Variants in EXOSC2 observed in about 807,000 individuals in gnomAD.
EXOSC2 encodes the protein exosome component 2, also known as exosome complex component RRP4.
Under a neutral mutation model 37.6 loss-of-function variants are expected in EXOSC2, and 29 were observed. The observed-to-expected ratio is 0.77, with a 90% CI of 0.57 to 1.05. EXOSC2 has a LOEUF of 1.05. Ranked by LOEUF, EXOSC2 falls within the 50% of genes least tolerant of loss-of-function variation. The pLI, the probability that EXOSC2 is intolerant of heterozygous loss-of-function variation, is 0.00. For synonymous variants in EXOSC2, 119 were observed against 131.1 expected (o/e 0.91, Z 0.63); for missense variants, 346 against 365.6 (o/e 0.95, Z 0.44).
rs2132634183 is a variant in EXOSC2 at position 130,698,914 on chromosome 9, T to C, written c.361-415T>C. Among the ~76,000 whole-genome samples, 1 of 152,316 alleles carries C rather than the reference T, an allele frequency of 6.6e-6. No homozygotes were observed. Among genetic ancestry groups the C allele is most frequent in the Admixed American group, 6.5e-5 (1 of 15,290 alleles). On this transcript the variant is annotated intron_variant, in intron 4 of 8. Coordinates refer to ENST00000372358, the MANE Select transcript of EXOSC2 (RefSeq NM_014285.7). The surrounding 1 kb of genome is among the most constrained non-coding windows in gnomAD (Gnocchi z 4.1). The stretch of plus-strand genomic sequence containing the variant: ...TTGTAGGAAAGACAGGCATTGGAGT[T>C]GATCCTGGAAGGATGGAGAGACTTT...
intron 8 of EXOSC2, 57 bp downstream of exon 8, chr9:130,703,238 G>T: frequency 6.4e-7 from 1 of 1,560,190 alleles, no homozygotes; most frequent in Non-Finnish European, 8.7e-7. Context: ...TCTGTTGTTT[G>T]TTCAGAGACA....
rs995576444 is a variant in EXOSC2 at position 130,695,697 on chromosome 9, C to T, written c.224+104C>T. On this transcript the variant is annotated intron_variant, in intron 2 of 8. Coordinates refer to ENST00000372358, the MANE Select transcript of EXOSC2 (RefSeq NM_014285.7). ...CCCACCCCACCCCTGCCTGCCCTGT[C>T]ATGCTGTAAGTCTGAGGTTTTGACC... 2.0e-5 allele frequency: 19 copies of T among 940,996 alleles called. No homozygotes were observed. The Admixed American group carries it at 2.2e-4, about 11-fold the overall frequency. The allele number at this position is 940,996 out of a possible 1,614,324, so 58.3% of individuals were successfully genotyped here. A position where few individuals can be genotyped will look rare whatever the true frequency, so the allele number is the denominator to read the frequency against.
At chr9:130,699,536 A>G in intron 5 of EXOSC2, 142 bp downstream of exon 5, 2 of 808,334 alleles carry the variant, frequency 2.5e-6, no homozygotes, top group Non-Finnish European at 4.1e-6. Flanking sequence ...GCTCTGCTGC[A>G]TCCTTTCTCA....
At chr9:130,700,454 G>C (rs1260714988) in intron 5 of EXOSC2, among the ~76,000 whole-genome samples, 1 of 151,716 alleles carries the variant, frequency 6.6e-6, no homozygotes, top group Admixed American at 6.6e-5. Flanking sequence ...CTGCCTCCCG[G>C]GTTCAAGCGA....
At chr9:130,701,888 G>A in intron 6 of EXOSC2, 2 of 1,308,248 alleles carry the variant, frequency 1.5e-6, no homozygotes, top group South Asian at 1.9e-5. Context: ...AGAGTGCAAG[G>A]AAGACTGCAA....
chr9:130,696,083 G>A (rs968687405), intron 2 of EXOSC2, among the ~76,000 whole-genome samples: 2 of 151,922 alleles, frequency 1.3e-5, no homozygotes, highest in South Asian at 2.1e-4. Context: ...GGCTGGTCTC[G>A]AACTGCTGAC....
At chr9:130,701,668 C>T (rs1831218005) in intron 6 of EXOSC2, 1 of 952,300 alleles carries the variant, frequency 1.1e-6, no homozygotes, top group East Asian at 1.1e-4. Context: ...CTTGAGCTGT[C>T]CTGCCAGGAC....
At chr9:130,693,944 CAG>C (rs1831036993) in intron 1 of EXOSC2, 31 bp downstream of exon 1, 1 of 1,574,120 alleles carries the variant, frequency 6.4e-7, no homozygotes, top group Non-Finnish European at 8.7e-7. Flanking sequence ...GTCGAGGCTT[CAG>C]AGAGCGGCTT....
chr9:130,703,644 C>A, intron 8 of EXOSC2, 50 bp from the exon 9 acceptor site: 1 of 1,423,840 alleles, frequency 7.0e-7, no homozygotes, highest in Non-Finnish European at 9.7e-7. Flanking sequence ...GCTTGGTGGT[C>A]TGTTTATGGT....
At position 130,694,930 on chromosome 9, in the gene EXOSC2, C is replaced by T. The variant is rs1471313748; in HGVS notation, c.123-562C>T. On this transcript the variant is annotated intron_variant, in intron 1 of 8. Coordinates refer to ENST00000372358, the MANE Select transcript of EXOSC2 (RefSeq NM_014285.7). This position sits in a 1 kb window ranked among gnomAD's most constrained non-coding sequence, Gnocchi z 4.0. ...TTCACTGTGTTGGCCAGGCTGGTCTCGATCCCCTGACCTCAAGTGTGATCT... is the reference window on the plus strand; with the variant it reads ...TTCACTGTGTTGGCCAGGCTGGTCTTGATCCCCTGACCTCAAGTGTGATCT... Among the ~76,000 whole-genome samples, 3 of 151,436 alleles carry T rather than the reference C, an allele frequency of 2.0e-5. No individual in the cohort carries two copies. The highest frequency in any genetic ancestry group is 4.4e-5 in the Non-Finnish European group (3 of 67,886).
chr9:130,697,311 C>T (rs1278562697), intron 2 of EXOSC2, among the ~76,000 whole-genome samples: 1 of 152,232 alleles, frequency 6.6e-6, no homozygotes, highest in African/African-American at 2.4e-5. Context: ...TTTTCATTGT[C>T]GTGTAATCGA....
In EXOSC2 at chr9:130,694,740, C is replaced by T. The variant is rs1831054397; in HGVS notation, c.123-752C>T. ...GGAAATTTTTTTTTCTTTTTTGAGA[C>T]GGAGTCTGTCTTAGATCAGTCGTGC... is the stretch of plus-strand genomic sequence containing the variant. On this transcript the variant is annotated intron_variant, in intron 1 of 8. Transcript: ENST00000372358. The surrounding 1 kb of genome is among the most constrained non-coding windows in gnomAD (Gnocchi z 4.0). 6.6e-6 allele frequency among the ~76,000 whole-genome samples: 1 copy of T among 151,998 alleles called. No homozygotes were observed. The highest frequency in any genetic ancestry group is 2.1e-4 in the South Asian group (1 of 4,826).
intron 6 of EXOSC2, 38 bp from the exon 7 acceptor site, chr9:130,702,096 A>T (rs1244355372): frequency 6.2e-7 from 1 of 1,603,758 alleles, no homozygotes; most frequent in Non-Finnish European, 8.5e-7. Context: ...CATCCCGCCA[A>T]TCTTGCAGTG....
Position 130,693,817 on chromosome 9 carries a change from T to A in EXOSC2, c.26T>A (p.Val9Glu). ...ATGGCGATGGAGATGAGGCTTCCAGTGGCTCGCAAGCCTCTTAGCGAGAGA... is the reference window on the plus strand; with the variant it reads ...ATGGCGATGGAGATGAGGCTTCCAGAGGCTCGCAAGCCTCTTAGCGAGAGA... The part of the protein sequence containing the change: MAMEMRLP[V>E]ARKPLSERLG... Residue 9 changes from valine to glutamate, a missense_variant, in exon 1 of 9, where the codon GTG becomes GAG. By Grantham distance (121) the Val-to-Glu change is moderately radical. Coordinates refer to ENST00000372358, the MANE Select transcript of EXOSC2 (RefSeq NM_014285.7). 6.2e-7 allele frequency: 1 copy of A among 1,609,130 alleles called. No individual in the cohort carries two copies. The highest frequency in any genetic ancestry group is 8.5e-7 in the Non-Finnish European group (1 of 1,177,116).
chr9:130,695,091 G>GA, intron 1 of EXOSC2, among the ~76,000 whole-genome samples: 1 of 152,306 alleles, frequency 6.6e-6, no homozygotes, highest in East Asian at 1.9e-4. Context: ...ATGGCAGAGT[G>GA]AAAAATCTCT....
chr9:130,699,754 C>T (rs765800646), intron 5 of EXOSC2: 4 of 208,248 alleles, frequency 1.9e-5, no homozygotes, highest in South Asian at 9.5e-5. Flanking sequence ...GTAATCCCAG[C>T]GCTTTGGAAG....
At chr9:130,699,419 C>A in intron 5 of EXOSC2, 25 bp downstream of exon 5, 1 of 1,609,802 alleles carries the variant, frequency 6.2e-7, no homozygotes, top group South Asian at 1.1e-5. Flanking sequence ...GCACTCCAGC[C>A]TCTTGATGCT....
intron 2 of EXOSC2, 27 bp from the exon 3 acceptor site, chr9:130,697,555 A>G: frequency 6.2e-7 from 1 of 1,612,618 alleles, no homozygotes; most frequent in Non-Finnish European, 8.5e-7. Flanking sequence ...TCACAGATGG[A>G]TGAACCCCTT....
chr9:130,700,365 ATTTATTTT>A (rs1197680999), intron 5 of EXOSC2, among the ~76,000 whole-genome samples: 71 of 141,104 alleles, frequency 5.0e-4, no homozygotes, highest in African/African-American at 1.8e-3. Flanking sequence ...TTATTTATTT[ATTTATTTT>A]TTTGAGACGG....
Sources: gnomAD v4.1 joint callset for allele counts (sites outside exome capture counted in the v4.1 genomes callset) on GRCh38, gnomAD v4.1.1 for gene constraint, Gnocchi (gnomAD v3.1) non-coding constraint, MANE v1.5 for transcripts, NCBI Gene and HGNC (gene_info 2026-07-23, HGNC 2026-07-21) for gene names.